Variants in KCNG4 observed in about 807,000 individuals in gnomAD.
KCNG4 encodes the protein voltage-gated potassium channel regulatory subunit KCNG4.
KCNG4 carries 30 observed loss-of-function variants against 28.2 expected under a neutral mutation model. The ratio of observed to expected loss-of-function variants is 1.06; its 90% CI spans 0.80 to 1.44. The LOEUF is 1.44. Ranked by LOEUF, KCNG4 falls within the 40% of genes most tolerant of loss-of-function variation. KCNG4 has a pLI of 0.00. For missense variants in KCNG4, 879 were observed against 712.3 expected, an observed-to-expected ratio of 1.23 and a Z score of -2.66; for synonymous variants, 375 against 315.5, an observed-to-expected ratio of 1.19 and a Z score of -2.00.
In KCNG4 at chr16:84,226,931, G is replaced by A. The variant is rs1427119956; in HGVS notation, c.757-3911C>T. Among the ~76,000 whole-genome samples, 3 of 151,906 alleles carry A rather than the reference G, an allele frequency of 2.0e-5. No homozygotes were observed. Among genetic ancestry groups the A allele is most frequent in the Non-Finnish European group, 4.4e-5 (3 of 67,950 alleles). On this transcript the variant is annotated intron_variant, in intron 2 of 2. Coordinates refer to ENST00000308251, the MANE Select transcript of KCNG4 (RefSeq NM_172347.3). This position sits in a 1 kb window ranked among gnomAD's most constrained non-coding sequence, Gnocchi z 4.1. ...AATATTGACCATTGTGTGTAGCTAA[G>A]TCATGGAGTCATGGTTTCCCAGAAG... is the stretch of plus-strand genomic sequence containing the variant.
At chr16:84,232,638 G>A (rs985574991) in intron 2 of KCNG4, among the ~76,000 whole-genome samples, 2 of 152,130 alleles carry the variant, frequency 1.3e-5, no homozygotes, top group South Asian at 2.1e-4. Context: ...AGTGACTCAC[G>A]CCTATAATCC....
At position 84,229,645 on chromosome 16, in the gene KCNG4, C is replaced by T. The variant is rs896585793; in HGVS notation, c.757-6625G>A. 5.9e-5 allele frequency among the ~76,000 whole-genome samples: 9 copies of T among 152,290 alleles called. No homozygotes were observed. The East Asian group carries it at 9.7e-4, about 16-fold the overall frequency. ...CCGGCCTGCAGGGGCCCTTCCTGAA[C>T]GACTCATGAATGAGTGTGGGTGGTG... On this transcript the variant is annotated intron_variant, in intron 2 of 2. Coordinates refer to ENST00000308251, the MANE Select transcript of KCNG4 (RefSeq NM_172347.3).
intron 2 of KCNG4, among the ~76,000 whole-genome samples, chr16:84,230,859 G>A (rs1283994492): frequency 6.6e-6 from 1 of 152,244 alleles, no homozygotes; most frequent in Non-Finnish European, 1.5e-5. Flanking sequence ...TGGGAAGGCC[G>A]GCAGGGCTGG....
At chr16:84,227,721 A>G (rs1904729055) in intron 2 of KCNG4, among the ~76,000 whole-genome samples, 1 of 152,230 alleles carries the variant, frequency 6.6e-6, no homozygotes, top group African/African-American at 2.4e-5. Flanking sequence ...TATTCATACA[A>G]TGGAATAGTA....
Position 84,237,357 on chromosome 16 carries a change from C to T in KCNG4, c.129G>A (p.Arg43=), listed in dbSNP as rs765624408. 2.6e-6 allele frequency: 4 copies of T among 1,556,366 alleles called. No individual in the cohort carries two copies. The highest frequency in any genetic ancestry group is 3.9e-5 in the Admixed American group (2 of 51,694). Reference sequence around the variant, plus strand: ...CGTCCAGGGCACCCACCTTCCGCACCCTCCGGTAGTAAAGGCCCTTGATGG... The same window carrying T: ...CGTCCAGGGCACCCACCTTCCGCACTCTCCGGTAGTAAAGGCCCTTGATGG... ...TPSIKGLYYR[R]VRKVGALDAS... Residue 43 remains arginine, a synonymous_variant, in exon 2 of 3, where the codon AGG becomes AGA. Transcript: ENST00000308251.
chr16:84,223,086 G>A (rs566697894), intron 2 of KCNG4, 66 bp from the exon 3 acceptor site: 7 of 1,285,900 alleles, frequency 5.4e-6, no homozygotes, highest in Middle Eastern at 2.6e-4. Context: ...GAAATCGGGG[G>A]ACGACTTCAT....
Position 84,237,464 on chromosome 16 carries a change from C to A in KCNG4, c.22G>T (p.Gly8Trp), listed in dbSNP as rs35379218. Residue 8 changes from glycine (G) to tryptophan (W), a missense_variant, in exon 2 of 3, where the codon GGG becomes TGG. By Grantham distance (184) the Gly-to-Trp change is radical (BLOSUM62 -2). Coordinates refer to ENST00000308251, the MANE Select transcript of KCNG4 (RefSeq NM_172347.3). The part of the protein sequence containing the change: MPMPSRD[G>W]GLHPRHHHYG... ...TGGTGGTGTCTGGGATGCAGGCCCC[C>A]GTCTCTGGAAGGCATGGGCATTGCT... The A allele has an allele frequency of 3.9e-4, 579 of 1,497,818 alleles. 2 individuals are homozygous for A. The African/African-American group carries it at 6.7e-3, about 17-fold the overall frequency. 92.8% of individuals were successfully genotyped at this position (1,497,818 alleles called of 1,614,324 possible). A position where few individuals can be genotyped will look rare whatever the true frequency, so the allele number is the denominator to read the frequency against.
chr16:84,232,751 T>C (rs754031959), intron 2 of KCNG4, among the ~76,000 whole-genome samples: 3 of 151,732 alleles, frequency 2.0e-5, no homozygotes, highest in African/African-American at 4.8e-5. Context: ...GTACAAAAAT[T>C]AGCCAGGCGT....
rs2151336936 is a variant in KCNG4 at position 84,226,358 on chromosome 16, G to A, written c.757-3338C>T. ...ACAGTGGCTGCCTCTGGGTAGTGTA[G>A]GGATGGCCTGTGAAGGGCCACGAGG... On this transcript the variant is annotated intron_variant, in intron 2 of 2. Transcript: ENST00000308251. The surrounding 1 kb of genome is among the most constrained non-coding windows in gnomAD (Gnocchi z 4.1). Among the ~76,000 whole-genome samples, 1 of 152,306 alleles carries A rather than the reference G, an allele frequency of 6.6e-6. No homozygotes were observed. The highest frequency in any genetic ancestry group is 2.4e-5 in the African/African-American group (1 of 41,566).
chr16:84,229,856 C>G (rs538810661), intron 2 of KCNG4, among the ~76,000 whole-genome samples: 3 of 152,272 alleles, frequency 2.0e-5, no homozygotes, highest in East Asian at 3.9e-4. Flanking sequence ...ACAAAAGCAA[C>G]AAAACTAGGA....
chr16:84,225,458 A>G (rs990643412), intron 2 of KCNG4, among the ~76,000 whole-genome samples: 1 of 152,184 alleles, frequency 6.6e-6, no homozygotes, highest in Non-Finnish European at 1.5e-5. Flanking sequence ...TTGGGCCCCC[A>G]TCACAAAATC....
At chr16:84,236,625 TC>T (rs1037384358) in intron 2 of KCNG4, 104 bp downstream of exon 2, 5 of 1,162,186 alleles carry the variant, frequency 4.3e-6, no homozygotes, top group Admixed American at 5.7e-5. Context: ...TTCATTTTTT[TC>T]TTCTTATTTT....
chr16:84,223,469 A>T (rs16963077), intron 2 of KCNG4, among the ~76,000 whole-genome samples: 2,351 of 152,264 alleles, frequency 0.015, 52 homozygotes, highest in African/African-American at 0.054. Flanking sequence ...TCACCTTGGG[A>T]CTATTGCACA....
chr16:84,236,845 G>A lies in KCNG4; in HGVS notation c.641C>T (p.Pro214Leu), dbSNP rs763535358. 8 of 1,613,446 alleles carry A rather than the reference G, an allele frequency of 5.0e-6. No individual in the cohort carries two copies. The Admixed American group carries it at 6.7e-5, about 13-fold the overall frequency. Residue 214 changes from proline to leucine, a missense_variant, in exon 2 of 3, where the codon CCG becomes CTG. Pro to Leu is a moderately conservative substitution (Grantham distance 98). Coordinates refer to ENST00000308251, the MANE Select transcript of KCNG4 (RefSeq NM_172347.3). ...GACCTTCCCGGGCAGCCCGGACTGC[G>A]GGTTTTCCACCATCTCGCGCAGCCG... ...MNRLREMVENPQSGLPGKVFA... is the reference protein window; with the variant it reads ...MNRLREMVENLQSGLPGKVFA...
chr16:84,225,569 A>G (rs1468045124), intron 2 of KCNG4, among the ~76,000 whole-genome samples: 1 of 152,232 alleles, frequency 6.6e-6, no homozygotes, highest in Admixed American at 6.5e-5. Context: ...GATTCTGCCT[A>G]CAAGGCCTCT....
chr16:84,236,436 G>A (rs766683329), intron 2 of KCNG4: 15 of 461,584 alleles, frequency 3.2e-5, no homozygotes, highest in Non-Finnish European at 5.3e-5. Flanking sequence ...AGCTGGGAGA[G>A]GTGACACTGT....
chr16:84,222,284 T>C lies in KCNG4; in HGVS notation c.1493A>G (p.His498Arg), dbSNP rs1227043092. The change falls in exon 3 of 3, where the codon CAT becomes CGT. Residue 498 changes from histidine to arginine, a missense_variant. His to Arg is a conservative substitution (Grantham distance 29). Coordinates refer to ENST00000308251, the MANE Select transcript of KCNG4 (RefSeq NM_172347.3). ...GTCATTGACATCGTTCATGAGCTCATGTTCACTGGCCACATGGGGGTCCAG... is the reference window on the plus strand; with the variant it reads ...GTCATTGACATCGTTCATGAGCTCACGTTCACTGGCCACATGGGGGTCCAG... The part of the protein sequence containing the change: ...ELLDPHVASE[H>R]ELMNDVNDLI... 1 of 1,614,196 alleles carries C rather than the reference T, an allele frequency of 6.2e-7. No individual in the cohort carries two copies. Among genetic ancestry groups the C allele is most frequent in the Non-Finnish European group, 8.5e-7 (1 of 1,180,036 alleles).
rs1423494971 is a variant in KCNG4 at position 84,221,338 on chromosome 16, C to T, written c.*879G>A. 1 of 152,260 alleles carries T rather than the reference C, an allele frequency of 6.6e-6. No homozygotes were observed. The highest frequency in any genetic ancestry group is 1.9e-4 in the East Asian group (1 of 5,176). 9.4% of individuals were successfully genotyped at this position (152,260 alleles called of 1,614,324 possible). On this transcript the variant is annotated 3_prime_UTR_variant, in exon 3 of 3. Transcript: ENST00000308251. ...CCTGCAGTGTGGGAGCAACCAGCAG[C>T]AGGAACGATCCTCTCAAGGGACAAC... is the stretch of plus-strand genomic sequence containing the variant.
chr16:84,222,258 G>T lies in KCNG4; in HGVS notation c.1519C>A (p.Leu507Ile). 5.6e-6 allele frequency: 9 copies of T among 1,614,174 alleles called. No homozygotes were observed. Among genetic ancestry groups the T allele is most frequent in the Non-Finnish European group, 7.6e-6 (9 of 1,180,030 alleles). Reference protein sequence around the residue: ...EHELMNDVNDLILEGPALPIM... With the variant: ...EHELMNDVNDIILEGPALPIM... ...GGCAAGGCTGGGCCCTCCAGGATTA[G>T]GTCATTGACATCGTTCATGAGCTCA... Residue 507 changes from leucine (L) to isoleucine (I), a missense_variant, in exon 3 of 3, where the codon CTA (leucine) becomes ATA (isoleucine). Coordinates refer to ENST00000308251, the MANE Select transcript of KCNG4 (RefSeq NM_172347.3).
Sources: gnomAD v4.1 joint callset for allele counts (sites outside exome capture counted in the v4.1 genomes callset) on GRCh38, gnomAD v4.1.1 for gene constraint, Gnocchi (gnomAD v3.1) non-coding constraint, MANE v1.5 for transcripts, NCBI Gene and HGNC (gene_info 2026-07-23, HGNC 2026-07-21) for gene names.